Variants in GMPPA observed in about 807,000 individuals in gnomAD.
The protein encoded by GMPPA is GDP-mannose pyrophosphorylase A, also known as mannose-1-phosphate guanylyltransferase regulatory subunit alpha.
GMPPA carries 46 observed loss-of-function variants against 58.6 expected under a neutral mutation model. That is an observed-to-expected ratio of 0.78 (90% confidence interval 0.62 to 1.00). The LOEUF (loss-of-function observed/expected upper bound fraction) is 1.00. Among genes scored for constraint, GMPPA ranks in the 50% least tolerant of loss-of-function variants. The pLI is 0.00. For synonymous variants in GMPPA, 211 were observed against 214.9 expected (o/e 0.98, Z 0.16); for missense variants, 468 against 556.4 (o/e 0.84, Z 1.60).
chr2:219,501,827 T>G lies in GMPPA; in HGVS notation c.243-24T>G, dbSNP rs368310157. 26 of 1,609,702 alleles carry G rather than the reference T, an allele frequency of 1.6e-5. 1 individual carries two copies. Among genetic ancestry groups the G allele is most frequent in the Middle Eastern group, 1.6e-4 (1 of 6,068 alleles). On this transcript the variant is annotated intron_variant, in intron 4 of 12. Coordinates refer to ENST00000313597, the MANE Select transcript of GMPPA (RefSeq NM_013335.4). ...ATCTGTTTCCTAAGATCCACTGAGCTGGCTCTCGGGTCCCTGGGGACAGGT... is the reference window on the plus strand; with the variant it reads ...ATCTGTTTCCTAAGATCCACTGAGCGGGCTCTCGGGTCCCTGGGGACAGGT...
At position 219,504,151 on chromosome 2, in the gene GMPPA, T is replaced by G; in HGVS notation, c.558T>G (p.Phe186Leu). The change falls in exon 7 of 13, where the codon TTT becomes TTG. Residue 186 changes from phenylalanine to leucine, a missense_variant. Transcript: ENST00000313597. ...TCATCAACTGCGGCATCTACCTCTT[T>G]TCTCCTGAAGCCTTGAAGCCTCTTC... ...SDIINCGIYL[F>L]SPEALKPLRD... 4 of 1,614,026 alleles carry G rather than the reference T, an allele frequency of 2.5e-6. No individual in the cohort carries two copies. In the East Asian group the frequency reaches 8.9e-5, roughly 36 times the overall value.
intron 2 of GMPPA, 50 bp downstream of exon 2, chr2:219,500,065 G>A (rs377642282): frequency 1.7e-5 from 27 of 1,603,526 alleles, no homozygotes; most frequent in Admixed American, 3.3e-5. Flanking sequence ...AGTGGTAGGC[G>A]GGATGGGGGC....
intron 3 of GMPPA, 77 bp downstream of exon 3, chr2:219,500,295 C>T: frequency 1.2e-6 from 1 of 814,282 alleles, no homozygotes. Flanking sequence ...CAACCATGAA[C>T]TCTTCCCACC....
rs1332727325 is a variant in GMPPA, at chr2:219,502,310, G to A, written c.430-72G>A. The A allele has an allele frequency of 2.2e-6, 3 of 1,367,280 alleles. No homozygotes were observed. Among genetic ancestry groups the A allele is most frequent in the Non-Finnish European group, 3.1e-6 (3 of 957,158 alleles). 84.7% of individuals were successfully genotyped at this position (1,367,280 alleles called of 1,614,324 possible). A position where few individuals can be genotyped will look rare whatever the true frequency, so the allele number is the denominator to read the frequency against. ...TGCATGCCAGGTGCTGTAGCGGAGG[G>A]AAAGAAAGAAAAAACAGACGTGGCT... On this transcript the variant is annotated intron_variant, in intron 5 of 12. Transcript: ENST00000313597. The surrounding 1 kb of genome is among the most constrained non-coding windows in gnomAD (Gnocchi z 4.0).
At chr2:219,500,274 T>C in intron 3 of GMPPA, 56 bp downstream of exon 3, 1 of 951,286 alleles carries the variant, frequency 1.1e-6, no homozygotes, top group Non-Finnish European at 1.7e-6. Flanking sequence ...TCATGCTGTT[T>C]CCCCCTTTCC....
In GMPPA at chr2:219,501,230, T is replaced by A. The variant is rs1229153509; in HGVS notation, c.139-246T>A. The A allele has an allele frequency of 1.3e-5, 6 of 467,886 alleles. No homozygotes were observed. The East Asian group carries it at 2.0e-4, about 15-fold the overall frequency. 29.0% of individuals were successfully genotyped at this position (467,886 alleles called of 1,614,324 possible). ...GTGAGCCAAAATCATGCCACTGCAC[T>A]CCAGCCTGGGCAACAGAGCGAGACC... On this transcript the variant is annotated intron_variant, in intron 3 of 12. Transcript: ENST00000313597.
At chr2:219,499,550 C>G (rs1196508346) in intron 1 of GMPPA, among the ~76,000 whole-genome samples, 3 of 152,078 alleles carry the variant, frequency 2.0e-5, no homozygotes, top group Non-Finnish European at 4.4e-5. Flanking sequence ...TTGTTCATGG[C>G]CAGAGGGAAG....
In GMPPA at chr2:219,500,020, G is replaced by A. The variant is rs142452140; in HGVS notation, c.40+5G>A. ...TGATTGGAGGCCCTCAAAAGGGTGA[G>A]GTGCCAGGGGAATGGGGGGAGGAGG... On this transcript the variant is annotated splice_donor_5th_base_variant and intron_variant, in intron 2 of 12. Coordinates refer to ENST00000313597, the MANE Select transcript of GMPPA (RefSeq NM_013335.4). The A allele has an allele frequency of 1.4e-5, 22 of 1,613,580 alleles. No homozygotes were observed. The East Asian group carries it at 3.8e-4, about 28-fold the overall frequency.
intron 4 of GMPPA, 29 bp downstream of exon 4, chr2:219,501,608 G>A (rs766275542): frequency 1.8e-5 from 25 of 1,361,112 alleles, no homozygotes; most frequent in Non-Finnish European, 2.1e-5. Context: ...GTATATGGGG[G>A]GGTGGGGATG....
At chr2:219,500,450 A>AGT in intron 3 of GMPPA, 1 of 573,374 alleles carries the variant, frequency 1.7e-6, no homozygotes, top group Non-Finnish European at 3.1e-6. Context: ...CTATTTTTAA[A>AGT]GTGTGGAATG....
intron 12 of GMPPA, 70 bp downstream of exon 12, chr2:219,506,492 G>A (rs1340638185): frequency 1.1e-5 from 16 of 1,437,240 alleles, no homozygotes; most frequent in Middle Eastern, 1.9e-4. Flanking sequence ...GGGAGCATTC[G>A]TTCCTCTGTG....
chr2:219,503,947 C>A, intron 6 of GMPPA, 136 bp from the exon 7 acceptor site: 2 of 857,806 alleles, frequency 2.3e-6, no homozygotes, highest in Non-Finnish European at 3.8e-6. Context: ...CAGTAGGATG[C>A]GGATGCGCAC....
intron 11 of GMPPA, 86 bp from the exon 12 acceptor site, chr2:219,506,168 G>T (rs1694583875): frequency 6.7e-7 from 1 of 1,483,520 alleles, no homozygotes; most frequent in African/African-American, 1.4e-5. Context: ...GAACGCCGTG[G>T]GCTCTGCATC....
intron 3 of GMPPA, 65 bp downstream of exon 3, chr2:219,500,283 C>T (rs1694345271): frequency 2.2e-5 from 20 of 907,704 alleles, no homozygotes; most frequent in Middle Eastern, 2.5e-4. Context: ...TTCCCCCTTT[C>T]CCAACCATGA....
intron 4 of GMPPA, 132 bp from the exon 5 acceptor site, chr2:219,501,719 G>C: frequency 1.1e-6 from 1 of 891,880 alleles, no homozygotes; most frequent in Non-Finnish European, 1.8e-6. Flanking sequence ...ATGAATCTCT[G>C]AGTATATAGA....
At position 219,506,830 on chromosome 2, in the gene GMPPA, C is replaced by T. The variant is rs775619497; in HGVS notation, c.*32C>T. On this transcript the variant is annotated 3_prime_UTR_variant, in exon 13 of 13. Transcript: ENST00000313597. ...CTGCCAGAAGGCCCCCAGCTCCTAC[C>T]CACTCCCCTTGAGGCTGCTGCCTGC... 1.1e-5 allele frequency: 11 copies of T among 1,018,382 alleles called. No homozygotes were observed. The South Asian group carries it at 1.1e-4, about 11-fold the overall frequency. 63.1% of individuals were successfully genotyped at this position (1,018,382 alleles called of 1,614,324 possible). A position where few individuals can be genotyped will look rare whatever the true frequency, so the allele number is the denominator to read the frequency against.
In GMPPA at chr2:219,502,121, C is replaced by T; in HGVS notation, c.429+84C>T. On this transcript the variant is annotated intron_variant, in intron 5 of 12. Coordinates refer to ENST00000313597, the MANE Select transcript of GMPPA (RefSeq NM_013335.4). The surrounding 1 kb of genome is among the most constrained non-coding windows in gnomAD (Gnocchi z 4.0). ...ATTCAGGGTGTTGGGGAGGCAGGGG[C>T]GCCCCGGGAGTTGGTGTGGGAGCTG... The T allele has an allele frequency of 6.4e-6, 9 of 1,412,192 alleles. No individual in the cohort carries two copies. Among genetic ancestry groups the T allele is most frequent in the East Asian group, 4.6e-5 (2 of 43,830 alleles). 87.5% of individuals were successfully genotyped at this position (1,412,192 alleles called of 1,614,324 possible). A position where few individuals can be genotyped will look rare whatever the true frequency, so the allele number is the denominator to read the frequency against.
chr2:219,500,275 C>T, intron 3 of GMPPA, 57 bp downstream of exon 3: 1 of 953,046 alleles, frequency 1.0e-6, no homozygotes, highest in African/African-American at 1.6e-5. Context: ...CATGCTGTTT[C>T]CCCCTTTCCC....
intron 1 of GMPPA, chr2:219,499,375 C>G (rs1317758654): frequency 1.9e-5 from 3 of 156,828 alleles, no homozygotes; most frequent in Non-Finnish European, 4.2e-5. Context: ...AGTTAAATAT[C>G]TGAGGCTCAC....
Sources: gnomAD v4.1 joint callset for allele counts (sites outside exome capture counted in the v4.1 genomes callset) on GRCh38, gnomAD v4.1.1 for gene constraint, Gnocchi (gnomAD v3.1) non-coding constraint, MANE v1.5 for transcripts, NCBI Gene and HGNC (gene_info 2026-07-23, HGNC 2026-07-21) for gene names.